MRS2: variants seen among roughly 807,000 people sequenced by gnomAD.
MRS2 encodes magnesium transporter MRS2 homolog, mitochondrial.
A neutral mutation model predicts 52.6 loss-of-function variants in MRS2; 40 were observed. That is an observed-to-expected ratio of 0.76 (90% CI 0.59 to 0.99). The LOEUF (loss-of-function observed/expected upper bound fraction) is 0.99, where lower values mean the gene tolerates loss of function less well. Ranked by LOEUF, MRS2 falls within the 50% of genes least tolerant of loss-of-function variation. The pLI is 0.00. For synonymous variants in MRS2, 193 were observed against 195.9 expected (o/e 0.98, Z 0.13); for missense variants, 472 against 532.7 (o/e 0.89, Z 1.12).
intron 2 of MRS2, among the ~76,000 whole-genome samples, chr6:24,407,911 A>G (rs1036820463): frequency 6.6e-6 from 1 of 152,190 alleles, no homozygotes; most frequent in African/African-American, 2.4e-5. Flanking sequence ...CTTGGCTCGA[A>G]TCCCCATGCC....
At chr6:24,421,290 AATGAG>A (rs1262854160) in intron 9 of MRS2, among the ~76,000 whole-genome samples, 5 of 152,210 alleles carry the variant, frequency 3.3e-5, no homozygotes, top group African/African-American at 7.2e-5. Context: ...GCCCATTTGT[AATGAG>A]ATAAGAGTGG....
Position 24,402,973 on chromosome 6 carries a change from G to A in MRS2, c.-74G>A, listed in dbSNP as rs1192415481. ...GGTCGGGCGGTAGCGACAGGTCAGAGCTGCGGCCTGAGCAGCCAGCGTCCG... is the reference window on the plus strand; with the variant it reads ...GGTCGGGCGGTAGCGACAGGTCAGAACTGCGGCCTGAGCAGCCAGCGTCCG... On this transcript the variant is annotated 5_prime_UTR_variant, in exon 1 of 11. Transcript: ENST00000378386. The A allele has an allele frequency of 1.0e-4, 142 of 1,413,062 alleles. No homozygotes were observed. In the East Asian group the frequency reaches 3.4e-3, roughly 33 times the overall value. 87.5% of individuals were successfully genotyped at this position (1,413,062 alleles called of 1,614,324 possible).
At chr6:24,406,512 G>C (rs1046958915) in intron 2 of MRS2, among the ~76,000 whole-genome samples, 1 of 152,122 alleles carries the variant, frequency 6.6e-6, no homozygotes, top group Non-Finnish European at 1.5e-5. Flanking sequence ...GGTGGCTCAC[G>C]CCTGTAATCC....
chr6:24,415,683 C>T (rs1364476582), intron 6 of MRS2, among the ~76,000 whole-genome samples: 1 of 152,284 alleles, frequency 6.6e-6, no homozygotes, highest in Non-Finnish European at 1.5e-5. Context: ...TTAAGAGTAA[C>T]TAGTCTGTTC....
rs1451058673 is a variant in MRS2 at position 24,403,119 on chromosome 6, C to A, written c.73C>A (p.Leu25Met). 1 of 1,612,310 alleles carries A rather than the reference C, an allele frequency of 6.2e-7. No homozygotes were observed. Among genetic ancestry groups the A allele is most frequent in the Admixed American group, 1.7e-5 (1 of 60,000 alleles). Residue 25 changes from leucine to methionine, a missense_variant, in exon 1 of 11, where the codon CTG (leucine) becomes ATG (methionine). Coordinates refer to ENST00000378386, the MANE Select transcript of MRS2 (RefSeq NM_020662.4). ...MRLPRRTLCALALDVTSVGPP... is the reference protein window; with the variant it reads ...MRLPRRTLCAMALDVTSVGPP... ...ACTTCCCCGGCGGACGCTGTGTGCC[C>A]TGGCCTTGGACGTGACCTCTGTGGG...
chr6:24,410,713 G>A, intron 4 of MRS2: 3 of 1,516,298 alleles, frequency 2.0e-6, no homozygotes, highest in Non-Finnish European at 2.6e-6. Flanking sequence ...CTTCTCCCAT[G>A]TGATTTTCTT....
At position 24,410,269 on chromosome 6, in the gene MRS2, G is replaced by A. The variant is rs1188324463; in HGVS notation, c.414+696G>A. On this transcript the variant is annotated intron_variant, in intron 4 of 10. Transcript: ENST00000378386. The stretch of plus-strand genomic sequence containing the variant: ...GCTGGGATTACAGGCATGAGCCACC[G>A]TGCCTGGCCAGTTTAAATTTTTTTA... 7.2e-5 allele frequency among the ~76,000 whole-genome samples: 11 copies of A among 152,092 alleles called. No individual in the cohort carries two copies. The East Asian group carries it at 1.9e-3, about 27-fold the overall frequency.
Position 24,423,768 on chromosome 6 carries a change from C to T in MRS2, c.*74C>T. The stretch of plus-strand genomic sequence containing the variant: ...CTTCTGATACTCTTTTTATTATTTT[C>T]TTGTATAGAGTCAGACACTTGAAAA... On this transcript the variant is annotated 3_prime_UTR_variant, in exon 11 of 11. Coordinates refer to ENST00000378386, the MANE Select transcript of MRS2 (RefSeq NM_020662.4). The T allele has an allele frequency of 1.5e-6, 1 of 667,680 alleles. No homozygotes were observed. Among genetic ancestry groups the T allele is most frequent in the East Asian group, 2.9e-5 (1 of 35,022 alleles). The allele number at this position is 667,680 out of a possible 1,614,324, so 41.4% of individuals were successfully genotyped here. A position where few individuals can be genotyped will look rare whatever the true frequency, so the allele number is the denominator to read the frequency against.
Position 24,403,099 on chromosome 6 carries a change from C to G in MRS2, c.53C>G (p.Pro18Arg), listed in dbSNP as rs1561803468. Reference sequence around the variant, plus strand: ...CTCCTGCCCCGCGCGATGAGACTTCCCCGGCGGACGCTGTGTGCCCTGGCC... The same window carrying G: ...CTCCTGCCCCGCGCGATGAGACTTCGCCGGCGGACGCTGTGTGCCCTGGCC... Reference protein sequence around the residue: ...PCLLPRAMRLPRRTLCALALD... With the variant: ...PCLLPRAMRLRRRTLCALALD... The change falls in exon 1 of 11, where the codon CCC (proline) becomes CGC (arginine). Residue 18 changes from proline (P) to arginine (R), a missense_variant. Pro to Arg is a moderately radical substitution (Grantham distance 103). Coordinates refer to ENST00000378386, the MANE Select transcript of MRS2 (RefSeq NM_020662.4). The G allele has an allele frequency of 1.9e-6, 3 of 1,612,396 alleles. No individual in the cohort carries two copies. The highest frequency in any genetic ancestry group is 1.7e-6 in the Non-Finnish European group (2 of 1,179,778).
At chr6:24,411,058 C>T (rs1429372961) in intron 4 of MRS2, among the ~76,000 whole-genome samples, 1 of 151,838 alleles carries the variant, frequency 6.6e-6, no homozygotes, top group Non-Finnish European at 1.5e-5. Flanking sequence ...GGCATGGTGG[C>T]GGGTGCCTGT....
Position 24,414,296 on chromosome 6 carries a change from C to T in MRS2, c.589-737C>T, listed in dbSNP as rs9467137. Among the ~76,000 whole-genome samples, 127 of 150,646 alleles carry T rather than the reference C, an allele frequency of 8.4e-4. 1 individual carries two copies. The highest frequency in any genetic ancestry group is 2.6e-3 in the African/African-American group (105 of 41,064). On this transcript the variant is annotated intron_variant, in intron 5 of 10. Coordinates refer to ENST00000378386, the MANE Select transcript of MRS2 (RefSeq NM_020662.4). ...GGTTTTCCTAGGAAGAGGACCCTGC[C>T]GCCTTCCGCAGTGTTTGTGTCCCTG...
At chr6:24,412,087 T>G (rs1392317747) in intron 4 of MRS2, 135 bp from the exon 5 acceptor site, 2 of 482,230 alleles carry the variant, frequency 4.1e-6, no homozygotes, top group African/African-American at 4.0e-5. Flanking sequence ...TTAAACCAAA[T>G]TTTATGAATG....
At position 24,406,211 on chromosome 6, in the gene MRS2, C is replaced by T. The variant is rs113207339; in HGVS notation, c.264+970C>T. Among the ~76,000 whole-genome samples the T allele has an allele frequency of 4.0e-3, 608 of 152,040 alleles. 5 individuals carry two copies. The highest frequency in any genetic ancestry group is 0.014 in the Middle Eastern group (4 of 294). On this transcript the variant is annotated intron_variant, in intron 2 of 10. Transcript: ENST00000378386. ...GGCCTTGGACAAGTTACAATAACAT[C>T]TTTGTGCCTTAGTTTTCTCATCTGA...
In MRS2 at chr6:24,423,710, T is replaced by C. The variant is rs376501972; in HGVS notation, c.*16T>C. 5.1e-6 allele frequency: 7 copies of C among 1,378,794 alleles called. No homozygotes were observed. In the African/African-American group the frequency reaches 8.7e-5, roughly 17 times the overall value. 85.4% of individuals were successfully genotyped at this position (1,378,794 alleles called of 1,614,324 possible). ...AAACCGTTAGGAACAGCCCCGTGGA[T>C]ACTGAAGTTTTTTTTATGGTAGTTA... On this transcript the variant is annotated 3_prime_UTR_variant, in exon 11 of 11. Transcript: ENST00000378386.
intron 1 of MRS2, among the ~76,000 whole-genome samples, chr6:24,404,065 T>C (rs949985802): frequency 1.3e-5 from 2 of 152,244 alleles, no homozygotes; most frequent in African/African-American, 2.4e-5. Context: ...AATGAATGAC[T>C]TTATTAAGAA....
rs974199131 is a variant in MRS2, at chr6:24,423,653, G to A, written c.1291G>A (p.Asp431Asn). The A allele has an allele frequency of 1.2e-6, 2 of 1,612,386 alleles. No homozygotes were observed. The highest frequency in any genetic ancestry group is 1.7e-5 in the Admixed American group (1 of 59,982). ...GGAATTGAAAAATAGCCTCAGACTG[G>A]ATGGACTTGGATCAGGAAGGAGCAT... The part of the protein sequence containing the change: ...SMELKNSLRL[D>N]GLGSGRSILT... The change falls in exon 11 of 11, where the codon GAT (aspartate) becomes AAT (asparagine). Residue 431 changes from aspartate (D) to asparagine (N), a missense_variant. Coordinates refer to ENST00000378386, the MANE Select transcript of MRS2 (RefSeq NM_020662.4).
intron 7 of MRS2, among the ~76,000 whole-genome samples, chr6:24,417,243 C>T (rs922336697): frequency 2.6e-4 from 39 of 152,312 alleles, no homozygotes; most frequent in African/African-American, 8.9e-4. Flanking sequence ...CAATCTGTCT[C>T]TAATATGCTT....
In MRS2 at chr6:24,410,802, A is replaced by G. The variant is rs1761623162; in HGVS notation, c.414+1229A>G. 6 of 1,478,092 alleles carry G rather than the reference A, an allele frequency of 4.1e-6. No homozygotes were observed. The South Asian group carries it at 7.3e-5, about 18-fold the overall frequency. 91.6% of individuals were successfully genotyped at this position (1,478,092 alleles called of 1,614,324 possible). A position where few individuals can be genotyped will look rare whatever the true frequency, so the allele number is the denominator to read the frequency against. On this transcript the variant is annotated intron_variant, in intron 4 of 10. Transcript: ENST00000378386. The stretch of plus-strand genomic sequence containing the variant: ...CTCTTTCATGGAGAGACAGACAGGT[A>G]TGTGAAAAAGCAAATTCAGCAGAAT...
rs1312382859 is a variant in MRS2, at chr6:24,425,146, T to G, written c.*1452T>G. Reference sequence around the variant, plus strand: ...GAATCTCTTAGGATTTTTAAGATTGTATTTGATAATACTTATATTTCACAG... The same window carrying G: ...GAATCTCTTAGGATTTTTAAGATTGGATTTGATAATACTTATATTTCACAG... On this transcript the variant is annotated 3_prime_UTR_variant, in exon 11 of 11. Transcript: ENST00000378386. 5 of 152,218 alleles carry G rather than the reference T, an allele frequency of 3.3e-5. No homozygotes were observed. The highest frequency in any genetic ancestry group is 6.5e-5 in the Admixed American group (1 of 15,286). 9.4% of individuals were successfully genotyped at this position (152,218 alleles called of 1,614,324 possible).
Sources: gnomAD v4.1 joint callset for allele counts (sites outside exome capture counted in the v4.1 genomes callset) on GRCh38, gnomAD v4.1.1 for gene constraint, MANE v1.5 for transcripts, NCBI Gene and HGNC (gene_info 2026-07-23, HGNC 2026-07-21) for gene names.